STK11: variants seen among roughly 807,000 people sequenced by gnomAD.
The protein encoded by STK11 is serine/threonine kinase 11.
STK11 carries 8 observed loss-of-function variants against 47.3 expected under a neutral mutation model. That is an observed-to-expected ratio of 0.17 (90% CI 0.10 to 0.31). STK11 has a LOEUF of 0.31. Ranked by LOEUF, STK11 falls within the 10% of genes least tolerant of loss-of-function variation. The probability of loss-of-function intolerance (pLI) is 1.00; values close to 1 mark genes in which losing one functional copy is unlikely to be tolerated. For missense variants in STK11, 475 were observed against 605.0 expected (o/e 0.79, Z 2.25); for synonymous variants, 330 against 255.8 (o/e 1.29, Z -2.77).
intron 5 of STK11, 73 bp downstream of exon 5, chr19:1,220,790 G>A (rs1034407146): frequency 1.2e-5 from 19 of 1,533,358 alleles, no homozygotes; most frequent in Middle Eastern, 2.4e-4. Context: ...GGCAGCTGCC[G>A]GCCTGTGGGC....
chr19:1,218,613 C>A, intron 2 of STK11, 113 bp downstream of exon 2: 1 of 944,902 alleles, frequency 1.1e-6, no homozygotes, highest in Non-Finnish European at 1.7e-6. Context: ...GACTGGCACA[C>A]GAGGGCCGTG....
At chr19:1,226,361 G>A in intron 8 of STK11, 93 bp from the exon 9 acceptor site, 1 of 1,536,992 alleles carries the variant, frequency 6.5e-7, no homozygotes, top group South Asian at 1.2e-5. Flanking sequence ...GGCAGCAGCT[G>A]TAAGTGCGTC....
At chr19:1,221,393 A>G (rs2145427514) in intron 6 of STK11, 53 bp downstream of exon 6, 1 of 1,539,698 alleles carries the variant, frequency 6.5e-7, no homozygotes. Flanking sequence ...GCTTTTGTGC[A>G]GAAATGTAGG....
chr19:1,225,773 G>A (rs1057131823), intron 8 of STK11: 15 of 985,466 alleles, frequency 1.5e-5, no homozygotes, highest in African/African-American at 3.5e-5. Flanking sequence ...CAGTGTGTTC[G>A]CGGAGTCCTC....
rs1471868090 is a variant in STK11 at position 1,221,318 on chromosome 19, C to A, written c.840C>A (p.Pro280=). ...ACGCCATCCCGGGCGACTGTGGCCCCCCGCTCTCTGACCTGCTGAAAGGTG... is the reference window on the plus strand; with the variant it reads ...ACGCCATCCCGGGCGACTGTGGCCCACCGCTCTCTGACCTGCTGAAAGGTG... ...GSYAIPGDCG[P]PLSDLLKGML... is the part of the protein sequence containing the mutation. Residue 280 remains proline (P), a synonymous_variant, in exon 6 of 10, where the codon CCC becomes CCA. Transcript: ENST00000326873. 1 of 1,609,882 alleles carries A rather than the reference C, an allele frequency of 6.2e-7. No homozygotes were observed. Among genetic ancestry groups the A allele is most frequent in the Non-Finnish European group, 8.5e-7 (1 of 1,178,482 alleles).
chr19:1,209,346 G>T (rs1184790893), intron 1 of STK11, among the ~76,000 whole-genome samples: 1 of 152,140 alleles, frequency 6.6e-6, no homozygotes, highest in African/African-American at 2.4e-5. Context: ...ACTTTGGGAG[G>T]CTGAGGTGGG....
At position 1,220,459 on chromosome 19, in the gene STK11, T is replaced by TCAC; in HGVS notation, c.556_558dup (p.Thr186dup). 1 of 1,607,344 alleles carries TCAC rather than the reference T, an allele frequency of 6.2e-7. No homozygotes were observed. The highest frequency in any genetic ancestry group is 8.5e-7 in the Non-Finnish European group (1 of 1,177,376). On this transcript the variant is annotated inframe_insertion, in exon 4 of 10. Coordinates refer to ENST00000326873, the MANE Select transcript of STK11 (RefSeq NM_000455.5). Reference sequence around the variant, plus strand: ...GACATCAAGCCGGGGAACCTGCTGCTCACCACCGGTGGCACCCTCAAAATC... The same window carrying TCAC: ...GACATCAAGCCGGGGAACCTGCTGCTCACCACCACCGGTGGCACCCTCAAAATC...
At chr19:1,220,859 T>A in intron 5 of STK11, 142 bp downstream of exon 5, 1 of 1,310,316 alleles carries the variant, frequency 7.6e-7, no homozygotes, top group Non-Finnish European at 1.0e-6. Flanking sequence ...GGGTGCTTAC[T>A]TTATGGAAAT....
At chr19:1,226,349 T>A (rs1044361188) in intron 8 of STK11, 105 bp from the exon 9 acceptor site, 2 of 1,521,212 alleles carry the variant, frequency 1.3e-6, no homozygotes, top group African/African-American at 2.8e-5. Flanking sequence ...GGGCATGGCC[T>A]GGGCAGCAGC....
rs866953737 is a variant in STK11, at chr19:1,212,218, G to A, written c.290+5015G>A. Among the ~76,000 whole-genome samples, 10 of 149,364 alleles carry A rather than the reference G, an allele frequency of 6.7e-5. No individual in the cohort carries two copies. In the Middle Eastern group the frequency reaches 0.011, roughly 158 times the overall value. ...AATCAGTGAGGCGGCTGGACGGCCCGTATATCCCACAAACGCCACCGTATT... is the reference window on the plus strand; with the variant it reads ...AATCAGTGAGGCGGCTGGACGGCCCATATATCCCACAAACGCCACCGTATT... On this transcript the variant is annotated intron_variant, in intron 1 of 9. Transcript: ENST00000326873.
intron 8 of STK11, chr19:1,224,179 G>A: frequency 1.1e-5 from 11 of 986,006 alleles, no homozygotes; most frequent in Non-Finnish European, 1.1e-5. Flanking sequence ...AGAGCACAGT[G>A]TATGGGGGTC....
intron 5 of STK11, 110 bp from the exon 6 acceptor site, chr19:1,221,103 C>T (rs1160867814): frequency 6.8e-7 from 1 of 1,478,528 alleles, no homozygotes; most frequent in Non-Finnish European, 9.2e-7. Context: ...TCCACAGGGC[C>T]TCTGGTCCAG....
chr19:1,215,423 C>T (rs761441956), intron 1 of STK11, among the ~76,000 whole-genome samples: 43 of 152,340 alleles, frequency 2.8e-4, no homozygotes, highest in Admixed American at 7.2e-4. Flanking sequence ...AGCCAGGGGC[C>T]GGAACCAGTT....
At chr19:1,227,550 C>T (rs536058872) in intron 9 of STK11, 43 bp from the exon 10 acceptor site, 6 of 1,062,958 alleles carry the variant, frequency 5.6e-6, no homozygotes, top group Non-Finnish European at 6.8e-6. Flanking sequence ...GGCGGAGAAC[C>T]GGTGCCCAGG....
intron 9 of STK11, 98 bp downstream of exon 9, chr19:1,226,761 G>C (rs1478107672): frequency 7.4e-7 from 1 of 1,356,364 alleles, no homozygotes; most frequent in Non-Finnish European, 9.6e-7. Flanking sequence ...CATGGTGACC[G>C]TCACGTGGCT....
At chr19:1,210,233 C>T (rs940044358) in intron 1 of STK11, among the ~76,000 whole-genome samples, 1 of 152,240 alleles carries the variant, frequency 6.6e-6, no homozygotes, top group Non-Finnish European at 1.5e-5. Context: ...GGGGTGTCCA[C>T]TGCCCAGCCC....
At chr19:1,224,868 T>C in intron 8 of STK11, 1 of 985,584 alleles carries the variant, frequency 1.0e-6, no homozygotes. Context: ...ACTGCTCAGA[T>C]GCTGGGGACA....
intron 9 of STK11, 56 bp downstream of exon 9, chr19:1,226,719 G>C (rs1259627034): frequency 2.1e-6 from 3 of 1,439,024 alleles, no homozygotes; most frequent in Non-Finnish European, 2.7e-6. Flanking sequence ...GGATGCCACA[G>C]CCAGCCGTGA....
At chr19:1,219,208 C>T (rs1168253745) in intron 2 of STK11, 116 bp from the exon 3 acceptor site, 12 of 1,269,794 alleles carry the variant, frequency 9.5e-6, no homozygotes, top group Non-Finnish European at 1.2e-5. Flanking sequence ...GGCCCTGGTC[C>T]CGAGGAGGGG....
Sources: gnomAD v4.1 joint callset for allele counts (sites outside exome capture counted in the v4.1 genomes callset) on GRCh38, gnomAD v4.1.1 for gene constraint, MANE v1.5 for transcripts, NCBI Gene and HGNC (gene_info 2026-07-23, HGNC 2026-07-21) for gene names.